The following C8orf34 variants were observed in gnomAD, a reference collection of about 807,000 sequenced individuals.
The protein encoded by C8orf34 is uncharacterized protein C8orf34.
In C8orf34, 65 loss-of-function variants were observed where a neutral mutation model predicts 68.3. That is an observed-to-expected ratio of 0.95 (90% CI 0.78 to 1.17). The LOEUF (loss-of-function observed/expected upper bound fraction) is 1.17, where lower values mean the gene tolerates loss of function less well. Ranked by LOEUF, C8orf34 falls within the 50% of genes most tolerant of loss-of-function variation. The probability of loss-of-function intolerance (pLI) is 0.00; values close to 1 mark genes in which losing one functional copy is unlikely to be tolerated. For missense variants in C8orf34, 664 were observed against 655.4 expected (o/e 1.01, Z -0.14); for synonymous variants, 244 against 241.2 (o/e 1.01, Z -0.11).
chr8:68,796,961 G>A (rs1242653557), intron 12 of C8orf34, among the ~76,000 whole-genome samples: 1 of 151,812 alleles, frequency 6.6e-6, no homozygotes, highest in Non-Finnish European at 1.5e-5. Context: ...CGAGTAGCTG[G>A]GATTACAGGC....
chr8:68,572,788 T>C (rs1816795444), intron 7 of C8orf34, among the ~76,000 whole-genome samples: 1 of 152,162 alleles, frequency 6.6e-6, no homozygotes, highest in South Asian at 2.1e-4. Flanking sequence ...TTTAGCAGGA[T>C]TGGAGTGTGA....
chr8:68,667,468 T>C (rs1365755380), intron 8 of C8orf34, among the ~76,000 whole-genome samples: 1 of 152,178 alleles, frequency 6.6e-6, no homozygotes, highest in Non-Finnish European at 1.5e-5. Context: ...CAGATTTTCC[T>C]GTTAAGTCCA....
At chr8:68,756,410 C>T (rs1397399733) in intron 10 of C8orf34, among the ~76,000 whole-genome samples, 2 of 152,144 alleles carry the variant, frequency 1.3e-5, no homozygotes, top group South Asian at 2.1e-4. Flanking sequence ...GACACTAACT[C>T]ATTCATTCAT....
intron 7 of C8orf34, among the ~76,000 whole-genome samples, chr8:68,540,636 T>C (rs1307617771): frequency 6.6e-6 from 1 of 151,600 alleles, no homozygotes; most frequent in African/African-American, 2.4e-5. Context: ...AGGTCAGAGT[T>C]TGAGACGAGC....
At chr8:68,481,687 C>G (rs1812867146) in intron 4 of C8orf34, among the ~76,000 whole-genome samples, 1 of 152,186 alleles carries the variant, frequency 6.6e-6, no homozygotes, top group Non-Finnish European at 1.5e-5. Flanking sequence ...GACTACCCTG[C>G]TGGATTTTGG....
At position 68,793,712 on chromosome 8, in the gene C8orf34, C is replaced by T. The variant is rs781521488; in HGVS notation, c.1549+6176C>T. 3.9e-5 allele frequency among the ~76,000 whole-genome samples: 6 copies of T among 152,096 alleles called. No individual in the cohort carries two copies. The South Asian group carries it at 1.2e-3, about 32-fold the overall frequency. ...AGCTAATGGATGCTGGGCTTAATAC[C>T]TATAGGTGGTGGGATAATCTATGCA... On this transcript the variant is annotated intron_variant, in intron 12 of 13. Transcript: ENST00000518698.
chr8:68,603,521 A>C lies in C8orf34; in HGVS notation c.1106-36855A>C, dbSNP rs533193655. On this transcript the variant is annotated intron_variant, in intron 7 of 13. Coordinates refer to ENST00000518698, the MANE Select transcript of C8orf34 (RefSeq NM_052958.4). ...TGTGTATGTATATGTATATATACAT[A>C]TATCTATCTATCTATCTATCTATCT... Among the ~76,000 whole-genome samples the C allele has an allele frequency of 1.8e-3, 254 of 140,558 alleles. 1 individual carries two copies. Among genetic ancestry groups the C allele is most frequent in the Middle Eastern group, 0.011 (3 of 280 alleles). 92.2% of individuals were successfully genotyped at this position (140,558 alleles called of 152,430 possible).
chr8:68,671,951 A>G (rs994563083), intron 8 of C8orf34, among the ~76,000 whole-genome samples: 1 of 152,200 alleles, frequency 6.6e-6, no homozygotes, highest in East Asian at 1.9e-4. Context: ...TGTTCACTCT[A>G]TCCTTTTTGA....
chr8:68,546,825 T>G (rs894368028), intron 7 of C8orf34, among the ~76,000 whole-genome samples: 1 of 151,582 alleles, frequency 6.6e-6, no homozygotes, highest in Non-Finnish European at 1.5e-5. Context: ...ATCAGACAGT[T>G]TTAATAACAA....
At chr8:68,445,872 T>G (rs1214786388) in intron 2 of C8orf34, among the ~76,000 whole-genome samples, 2 of 152,140 alleles carry the variant, frequency 1.3e-5, no homozygotes, top group Non-Finnish European at 2.9e-5. Flanking sequence ...TCACTGCAAC[T>G]TCTGCCTTCC....
At chr8:68,422,359 G>C (rs1343700920) in intron 1 of C8orf34, among the ~76,000 whole-genome samples, 2 of 152,122 alleles carry the variant, frequency 1.3e-5, no homozygotes, top group Non-Finnish European at 2.9e-5. Flanking sequence ...GGGAGAAATT[G>C]GCCAAAACAG....
At chr8:68,411,271 A>G (rs545799117) in intron 1 of C8orf34, among the ~76,000 whole-genome samples, 2 of 152,326 alleles carry the variant, frequency 1.3e-5, no homozygotes, top group South Asian at 4.1e-4. Flanking sequence ...ATGGTTTCTA[A>G]GTAGTATTTC....
At chr8:68,626,628 T>C (rs1311610827) in intron 7 of C8orf34, among the ~76,000 whole-genome samples, 3 of 152,178 alleles carry the variant, frequency 2.0e-5, no homozygotes, top group Non-Finnish European at 2.9e-5. Context: ...TCAACTATGA[T>C]ACAAGGTTCG....
intron 1 of C8orf34, among the ~76,000 whole-genome samples, chr8:68,383,439 T>C (rs1291897717): frequency 6.6e-6 from 1 of 152,198 alleles, no homozygotes; most frequent in East Asian, 1.9e-4. Context: ...TTCCCCATCA[T>C]GAAATTTTTC....
At chr8:68,580,127 G>A (rs1376628921) in intron 7 of C8orf34, among the ~76,000 whole-genome samples, 2 of 152,090 alleles carry the variant, frequency 1.3e-5, no homozygotes, top group South Asian at 2.1e-4. Context: ...TATAGTAAAT[G>A]AGAGAATTAT....
At chr8:68,739,620 G>A (rs1351889213) in intron 10 of C8orf34, among the ~76,000 whole-genome samples, 5 of 152,068 alleles carry the variant, frequency 3.3e-5, no homozygotes, top group Admixed American at 6.6e-5. Context: ...AACACCCCAA[G>A]CTCATAGATA....
At chr8:68,356,360 C>T (rs1563372929) in intron 1 of C8orf34, among the ~76,000 whole-genome samples, 4 of 151,920 alleles carry the variant, frequency 2.6e-5, no homozygotes, top group Admixed American at 1.3e-4. Flanking sequence ...TTATTGGGTA[C>T]TATATTATCT....
chr8:68,445,283 T>C (rs993213036), intron 2 of C8orf34, among the ~76,000 whole-genome samples: 10 of 152,144 alleles, frequency 6.6e-5, no homozygotes, highest in African/African-American at 1.9e-4. Context: ...AAAAGACTTA[T>C]GAGGCATCCA....
chr8:68,747,120 C>T (rs986576808), intron 10 of C8orf34, among the ~76,000 whole-genome samples: 2,443 of 151,982 alleles, frequency 0.016, 19 homozygotes, highest in Non-Finnish European at 0.027. Context: ...GTAAACAGAA[C>T]CAAAGACAAA....
Sources: allele counts gnomAD v4.1 joint callset (sites outside exome capture counted in the v4.1 genomes callset), GRCh38; gene constraint gnomAD v4.1.1; transcripts MANE v1.5; gene names NCBI Gene and HGNC (gene_info 2026-07-23, HGNC 2026-07-21).